The following VRTN variants were observed in gnomAD, a reference collection of about 807,000 sequenced individuals.
VRTN encodes vertnin.
In VRTN, 5 loss-of-function variants were observed where a neutral mutation model predicts 18.2. That is an observed-to-expected ratio of 0.27 (90% confidence interval 0.14 to 0.58). VRTN has a LOEUF of 0.58. Among genes scored for constraint, VRTN ranks in the 20% least tolerant of loss-of-function variants. The pLI is 0.91. For missense variants in VRTN, 741 were observed against 939.4 expected, an observed-to-expected ratio of 0.79 and a Z score of 2.76; for synonymous variants, 381 against 393.7, an observed-to-expected ratio of 0.97 and a Z score of 0.38.
intron 1 of VRTN, among the ~76,000 whole-genome samples, chr14:74,321,835 TTTA>T (rs1452655817): frequency 1.3e-5 from 2 of 148,852 alleles, no homozygotes; most frequent in African/African-American, 2.5e-5. Flanking sequence ...GTATTTTTAT[TTTA>T]TTATTTATTT....
At chr14:74,320,249 CTTTTTTTTTT>C (rs71115982) in intron 1 of VRTN, among the ~76,000 whole-genome samples, 6 of 72,690 alleles carry the variant, frequency 8.3e-5, no homozygotes, top group African/African-American at 1.9e-4. Flanking sequence ...GATCCCATCC[CTTTTTTTTTT>C]TTTTTTTTTT....
At position 74,358,497 on chromosome 14, in the gene VRTN, G is replaced by A. The variant is rs781096357; in HGVS notation, c.1714G>A (p.Ala572Thr). 1.2e-6 allele frequency: 2 copies of A among 1,614,130 alleles called. No homozygotes were observed. Among genetic ancestry groups the A allele is most frequent in the South Asian group, 2.2e-5 (2 of 91,088 alleles). ...CACCTTGGGCAAAGGGGGGCAGGAG[G>A]CTGAGGAGAAGCAGGAGAAGGAGGC... ...VPTLGKGGQE[A>T]EEKQEKEAGR... The change falls in exon 2 of 2, where the codon GCT (alanine) becomes ACT (threonine). Residue 572 changes from alanine to threonine, a missense_variant. Physicochemically the swap from Ala to Thr is moderately conservative, Grantham distance 58. This residue lies in a region of VRTN where 494 missense variants were observed against 546.5 expected (regional missense o/e 0.90). Transcript: ENST00000256362. The surrounding 1 kb of genome is among the most constrained non-coding windows in gnomAD (Gnocchi z 5.4).
chr14:74,354,053 A>G (rs972973742), intron 1 of VRTN, among the ~76,000 whole-genome samples: 13 of 152,162 alleles, frequency 8.5e-5, no homozygotes, highest in African/African-American at 3.1e-4. Flanking sequence ...ACCAGATACT[A>G]TGGAGACTTG....
In VRTN at chr14:74,356,906, C is replaced by T. The variant is rs1380234060; in HGVS notation, c.123C>T (p.Phe41=). The T allele has an allele frequency of 5.6e-6, 9 of 1,613,916 alleles. No homozygotes were observed. The highest frequency in any genetic ancestry group is 7.6e-6 in the Non-Finnish European group (9 of 1,180,018). ...AGGCCAAGCAGGTCCTGTCTTCCTT[C>T]ACTCTCCCCACCTGCCGGGAGGGAG... The part of the protein sequence containing the change: ...SLEAKQVLSS[F]TLPTCREGGP... The change falls in exon 2 of 2, where the codon TTC becomes TTT. Residue 41 remains phenylalanine (F), a synonymous_variant. Coordinates refer to ENST00000256362, the MANE Select transcript of VRTN (RefSeq NM_018228.3).
At chr14:74,338,412 A>T (rs2085579147) in intron 2 of VRTN, among the ~76,000 whole-genome samples, 1 of 152,246 alleles carries the variant, frequency 6.6e-6, no homozygotes, top group Non-Finnish European at 1.5e-5. Context: ...ATAGCAAGTC[A>T]TGGTAGCTCT....
At chr14:74,355,883 G>A (rs2085723854) in intron 1 of VRTN, among the ~76,000 whole-genome samples, 1 of 151,088 alleles carries the variant, frequency 6.6e-6, no homozygotes, top group Admixed American at 6.6e-5. Context: ...CCTGGCTGGA[G>A]TGCAGTGGTG....
chr14:74,309,773 C>A (rs1295650488), intron 1 of VRTN, among the ~76,000 whole-genome samples: 1 of 152,168 alleles, frequency 6.6e-6, no homozygotes, highest in Non-Finnish European at 1.5e-5. Context: ...TGGGACCAAA[C>A]TTCCCTTATT....
Position 74,358,133 on chromosome 14 carries a change from C to T in VRTN, c.1350C>T (p.Phe450=), listed in dbSNP as rs144852924. Residue 450 remains phenylalanine (F), a synonymous_variant, in exon 2 of 2, where the codon TTC becomes TTT. Coordinates refer to ENST00000256362, the MANE Select transcript of VRTN (RefSeq NM_018228.3). This position sits in a 1 kb window ranked among gnomAD's most constrained non-coding sequence, Gnocchi z 5.4. ...AGGCCCTCCGGAGGAACCCCAGCTT[C>T]AAGCCGGCACCAGCCCTCTCTGCTG... ...RRKALRRNPS[F]KPAPALSAAG... 1 of 1,614,012 alleles carries T rather than the reference C, an allele frequency of 6.2e-7. No individual in the cohort carries two copies. Among genetic ancestry groups the T allele is most frequent in the African/African-American group, 1.3e-5 (1 of 74,952 alleles).
intron 2 of VRTN, among the ~76,000 whole-genome samples, chr14:74,339,893 C>T (rs2085589434): frequency 6.6e-6 from 1 of 152,200 alleles, no homozygotes; most frequent in East Asian, 1.9e-4. Flanking sequence ...CCTTTGTTTA[C>T]AGTGAATATA....
At chr14:74,329,406 G>A (rs1381253093) in intron 1 of VRTN, among the ~76,000 whole-genome samples, 1 of 152,008 alleles carries the variant, frequency 6.6e-6, no homozygotes, top group Non-Finnish European at 1.5e-5. Context: ...GTGCCACCAC[G>A]AATAGCTAGT....
rs532915685 is a variant in VRTN, at chr14:74,319,027, T to G, written c.-164+15851T>G. ...ACTGTGCCTGGTCTCGGGATTTTTT[T>G]TTGTTGTTTGTTTGTTTTGAGATGG... On this transcript the variant is annotated intron_variant, in intron 1 of 2. Transcript: ENST00000557177. 2.6e-3 allele frequency among the ~76,000 whole-genome samples: 394 copies of G among 151,358 alleles called. 1 individual carries two copies. Among genetic ancestry groups the G allele is most frequent in the African/African-American group, 8.9e-3 (366 of 41,186 alleles).
At chr14:74,341,738 C>T (rs746898821) in intron 2 of VRTN, among the ~76,000 whole-genome samples, 11 of 151,994 alleles carry the variant, frequency 7.2e-5, no homozygotes, top group African/African-American at 1.7e-4. Context: ...AGGCTGGTCT[C>T]GAACTCCTGA....
chr14:74,347,683 C>T (rs780785616), upstream of VRTN, among the ~76,000 whole-genome samples: 3 of 152,216 alleles, frequency 2.0e-5, no homozygotes, highest in African/African-American at 2.4e-5. Flanking sequence ...CCCCCATCAG[C>T]AGGGGCTGGA....
upstream of VRTN, among the ~76,000 whole-genome samples, chr14:74,346,978 C>T (rs997079603): frequency 3.3e-5 from 5 of 152,126 alleles, no homozygotes; most frequent in Non-Finnish European, 5.9e-5. Flanking sequence ...AAAGGTATTT[C>T]GTAATTCCAT....
intron 2 of VRTN, among the ~76,000 whole-genome samples, chr14:74,341,799 G>A (rs553824829): frequency 6.6e-6 from 1 of 152,274 alleles, no homozygotes; most frequent in East Asian, 1.9e-4. Flanking sequence ...GATTACAGGC[G>A]TGAGCCACCA....
At chr14:74,327,405 C>A (rs1234324772) in intron 1 of VRTN, among the ~76,000 whole-genome samples, 2 of 152,178 alleles carry the variant, frequency 1.3e-5, no homozygotes, top group African/African-American at 4.8e-5. Flanking sequence ...TACCTGTTTA[C>A]CGACTGTCTC....
intron 1 of VRTN, among the ~76,000 whole-genome samples, chr14:74,305,223 T>C (rs141768860): frequency 3.4e-3 from 520 of 151,840 alleles, no homozygotes; most frequent in African/African-American, 0.012. Context: ...TCCCAGCTAC[T>C]TGGGAGGCTG....
chr14:74,303,805 C>A, intron 1 of VRTN, among the ~76,000 whole-genome samples: 1 of 149,892 alleles, frequency 6.7e-6, no homozygotes, highest in Non-Finnish European at 1.5e-5. Flanking sequence ...ATGAAAGTTG[C>A]AGTCTAGCTG....
intron 1 of VRTN, among the ~76,000 whole-genome samples, chr14:74,322,036 C>T (rs58039768): frequency 0.016 from 2,408 of 151,414 alleles, 62 homozygotes; most frequent in African/African-American, 0.055. Flanking sequence ...TTAGTAGAGA[C>T]GGGGTTTCAC....
Sources: allele counts gnomAD v4.1 joint callset (sites outside exome capture counted in the v4.1 genomes callset), GRCh38; gene constraint gnomAD v4.1.1; regional missense constraint gnomAD v4.1.1; non-coding constraint Gnocchi (gnomAD v3.1); transcripts MANE v1.5; gene names NCBI Gene and HGNC (gene_info 2026-07-23, HGNC 2026-07-21).